Variants in XPA observed in about 807,000 individuals in gnomAD.
XPA encodes the protein XPA, DNA damage recognition and repair factor.
In XPA, 27 loss-of-function variants were observed where a neutral mutation model predicts 35.7. The observed-to-expected ratio is 0.76, with a 90% CI of 0.56 to 1.04. The LOEUF (loss-of-function observed/expected upper bound fraction) is 1.04, where lower values mean the gene tolerates loss of function less well. Among genes scored for constraint, XPA ranks in the 50% least tolerant of loss-of-function variants. The pLI, the probability that XPA is intolerant of heterozygous loss-of-function variation, is 0.00. For missense variants in XPA, 354 were observed against 342.7 expected, an observed-to-expected ratio of 1.03 and a Z score of -0.26; for synonymous variants, 133 against 118.4, an observed-to-expected ratio of 1.12 and a Z score of -0.80.
intron 3 of XPA, 82 bp from the exon 4 acceptor site, chr9:97,687,343 C>T: frequency 8.0e-7 from 1 of 1,249,462 alleles, no homozygotes; most frequent in Non-Finnish European, 1.1e-6. Context: ...CTTAGGGGCA[C>T]ACACAGCAAA....
chr9:97,658,567 C>T, the XPA span: 13 of 1,127,984 alleles, frequency 1.2e-5, no homozygotes, highest in Non-Finnish European at 1.7e-5. Context: ...TCATGACTTT[C>T]CAGGTAAGTC....
chr9:97,686,165 C>T lies in XPA; in HGVS notation c.555+931G>A, dbSNP rs1828710850. On this transcript the variant is annotated intron_variant, in intron 4 of 5. Transcript: ENST00000375128. ...ATTTTATTTGGAGATATGGGATTTTCTAGTATAGTATATATTCAAACTGTG... is the reference window on the plus strand; with the variant it reads ...ATTTTATTTGGAGATATGGGATTTTTTAGTATAGTATATATTCAAACTGTG... Among the ~76,000 whole-genome samples, 3 of 152,268 alleles carry T rather than the reference C, an allele frequency of 2.0e-5. 1 individual carries two copies. The highest frequency in any genetic ancestry group is 7.2e-5 in the African/African-American group (3 of 41,546).
chr9:97,660,143 C>G, the XPA span, among the ~76,000 whole-genome samples: 12 of 152,170 alleles, frequency 7.9e-5, no homozygotes, highest in Admixed American at 4.6e-4. Flanking sequence ...TTCTGTTTTT[C>G]TTCGCCTTCT....
intron 5 of XPA, 41 bp from the exon 6 acceptor site, chr9:97,675,628 T>G: frequency 6.2e-7 from 1 of 1,613,424 alleles, no homozygotes. Flanking sequence ...AGTGGTGCTA[T>G]TCAGGTGAAT....
rs750260589 is a variant in XPA at position 97,697,196 on chromosome 9, G to GCCGCTT, written c.91_96dup (p.Lys31_Arg32dup). 5.6e-6 allele frequency: 9 copies of GCCGCTT among 1,598,998 alleles called. No individual in the cohort carries two copies. The highest frequency in any genetic ancestry group is 2.0e-4 in the Middle Eastern group (1 of 5,030). On this transcript the variant is annotated inframe_insertion, in exon 1 of 6. Coordinates refer to ENST00000375128, the MANE Select transcript of XPA (RefSeq NM_000380.4). ...GCCTGGCGCAGCATCAGTGCCCGCT[G>GCCGCTT]CCGCTTCCGCTCGATACTCGCCCGC...
At chr9:97,678,217 A>AT (rs1345934651) in intron 5 of XPA, among the ~76,000 whole-genome samples, 2 of 152,218 alleles carry the variant, frequency 1.3e-5, no homozygotes, top group East Asian at 3.9e-4. Context: ...CTTGGCCAAT[A>AT]TGGTGAAACC....
rs778289269 is a variant in XPA, at chr9:97,697,171, G to A, written c.122C>T (p.Ala41Val). 88 of 1,584,716 alleles carry A rather than the reference G, an allele frequency of 5.6e-5. No individual in the cohort carries two copies. The Middle Eastern group carries it at 8.6e-4, about 15-fold the overall frequency. ...CGAGTAGGGCCGGGCAGCCAGCCGG[G>A]CCTGGCGCAGCATCAGTGCCCGCTG... ...KRQRALMLRQARLAARPYSAT... is the reference protein window; with the variant it reads ...KRQRALMLRQVRLAARPYSAT... Residue 41 changes from alanine (A) to valine (V), a missense_variant, in exon 1 of 6, where the codon GCC (alanine) becomes GTC (valine). Ala to Val is a moderately conservative substitution (Grantham distance 64). Transcript: ENST00000375128.
chr9:97,655,667 C>CT, the XPA span: 20 of 1,552,462 alleles, frequency 1.3e-5, no homozygotes, highest in Non-Finnish European at 1.8e-5. Flanking sequence ...GTTATTCTTC[C>CT]TTTTTCTCTG....
downstream of XPA, chr9:97,673,031 G>C (rs1377862439): frequency 1.3e-5 from 2 of 152,462 alleles, no homozygotes; most frequent in African/African-American, 4.8e-5. Flanking sequence ...GGGAGGCTGA[G>C]ACAGGAGAAT....
At chr9:97,660,790 G>T in the XPA span, among the ~76,000 whole-genome samples, 2 of 152,038 alleles carry the variant, frequency 1.3e-5, no homozygotes, top group African/African-American at 2.4e-5. Flanking sequence ...TTTCACATAC[G>T]GTATTTATAT....
chr9:97,665,060 G>A, the XPA span, among the ~76,000 whole-genome samples: 2 of 152,216 alleles, frequency 1.3e-5, no homozygotes, highest in Non-Finnish European at 2.9e-5. Flanking sequence ...GGCAGCAGGA[G>A]TTGACACAAA....
chr9:97,675,787 G>A (rs113274391), intron 5 of XPA, 200 bp from the exon 6 acceptor site: 40 of 643,418 alleles, frequency 6.2e-5, no homozygotes, highest in African/African-American at 6.2e-4. Context: ...AGTTCGGCCT[G>A]TGAATCAAGT....
At chr9:97,664,568 G>A in the XPA span, 3 of 619,796 alleles carry the variant, frequency 4.8e-6, no homozygotes, top group Admixed American at 8.7e-5. Flanking sequence ...GTCCAATCTG[G>A]TAGGATTGGA....
chr9:97,687,360 A>G, intron 3 of XPA, 99 bp from the exon 4 acceptor site: 4 of 1,051,372 alleles, frequency 3.8e-6, no homozygotes, highest in Non-Finnish European at 5.3e-6. Context: ...CAAAAAGGAC[A>G]TATAAAATAC....
intron 4 of XPA, among the ~76,000 whole-genome samples, 155 bp downstream of exon 4, chr9:97,686,941 G>A (rs1828735558): frequency 6.6e-6 from 1 of 151,946 alleles, no homozygotes; most frequent in African/African-American, 2.4e-5. Context: ...GAGAAAACAT[G>A]TTATTAAATG....
At chr9:97,689,499 C>T in intron 3 of XPA, 35 bp downstream of exon 3, 4 of 1,319,104 alleles carry the variant, frequency 3.0e-6, no homozygotes, top group Non-Finnish European at 4.4e-6. Context: ...TACACATAAA[C>T]ATTAGCAATT....
intron 2 of XPA, among the ~76,000 whole-genome samples, chr9:97,691,886 A>AT (rs1828899628): frequency 9.6e-5 from 12 of 124,682 alleles, no homozygotes; most frequent in Non-Finnish European, 1.3e-4. Flanking sequence ...TTTCTAAATA[A>AT]ATATATATAT....
the XPA span, chr9:97,655,040 G>GTTTAGTT: frequency 1.8e-6 from 2 of 1,119,426 alleles, no homozygotes; most frequent in Non-Finnish European, 2.5e-6. Flanking sequence ...GAATTTCCAT[G>GTTTAGTT]TTTAGTTTTT....
chr9:97,693,803 C>A, intron 1 of XPA, 44 bp from the exon 2 acceptor site: 1 of 1,550,850 alleles, frequency 6.4e-7, no homozygotes, highest in Non-Finnish European at 8.9e-7. Flanking sequence ...AGTAGGTAAG[C>A]CTGTATGTTA....
Sources: allele counts gnomAD v4.1 joint callset (sites outside exome capture counted in the v4.1 genomes callset), GRCh38; gene constraint gnomAD v4.1.1; transcripts MANE v1.5; gene names NCBI Gene and HGNC (gene_info 2026-07-23, HGNC 2026-07-21).